Variants in PDCD11 observed in about 807,000 individuals in gnomAD.
The protein encoded by PDCD11 is protein RRP5 homolog.
Under a neutral mutation model 198.9 loss-of-function variants are expected in PDCD11, and 97 were observed. The ratio of observed to expected loss-of-function variants is 0.49; its 90% CI spans 0.41 to 0.58. The LOEUF (loss-of-function observed/expected upper bound fraction) is 0.58, where lower values mean the gene tolerates loss of function less well. PDCD11 is among the 20% of genes least tolerant of loss of function. PDCD11 has a pLI of 0.00. For missense variants in PDCD11, 2,102 were observed against 2,312.7 expected (o/e 0.91, Z 1.87); for synonymous variants, 893 against 918.0 (o/e 0.97, Z 0.49).
At position 103,443,963 on chromosome 10, in the gene PDCD11, A is replaced by G. The variant is rs2032495195; in HGVS notation, c.5173A>G (p.Lys1725Glu). 2.5e-6 allele frequency: 4 copies of G among 1,614,078 alleles called. No homozygotes were observed. Among genetic ancestry groups the G allele is most frequent in the Non-Finnish European group, 3.4e-6 (4 of 1,180,010 alleles). Residue 1725 changes from lysine (K) to glutamate (E), a missense_variant, in exon 34 of 36, where the codon AAA (lysine) becomes GAA (glutamate). Lys to Glu is a moderately conservative substitution (Grantham distance 56). Transcript: ENST00000369797. Reference sequence around the variant, plus strand: ...GATGCTGAAGCGTTTCCGGCAGGAGAAAGCTGTGTGGATCAAATACGGCGC... The same window carrying G: ...GATGCTGAAGCGTTTCCGGCAGGAGGAAGCTGTGTGGATCAAATACGGCGC... ...NRMLKRFRQE[K>E]AVWIKYGAFL...
intron 25 of PDCD11, among the ~76,000 whole-genome samples, chr10:103,437,497 ATTTATTTT>A (rs2032199904): frequency 6.6e-6 from 1 of 151,012 alleles, no homozygotes; most frequent in South Asian, 2.1e-4. Context: ...TTATTTATTT[ATTTATTTT>A]GAGATGGAGT....
Position 103,445,599 on chromosome 10 carries a change from C to T in PDCD11, c.*50C>T, listed in dbSNP as rs3740478. 85,433 of 1,539,458 alleles carry T rather than the reference C, an allele frequency of 0.055. 2,747 individuals are homozygous for T. Among genetic ancestry groups the T allele is most frequent in the East Asian group, 0.097 (4,258 of 43,972 alleles). Reference sequence around the variant, plus strand: ...TGTCAACAATGGGCCAGCCCGGCCCCGCCTCGAGTGCCTGGGCACTCGGAA... The same window carrying T: ...TGTCAACAATGGGCCAGCCCGGCCCTGCCTCGAGTGCCTGGGCACTCGGAA... On this transcript the variant is annotated 3_prime_UTR_variant, in exon 36 of 36. Transcript: ENST00000369797.
chr10:103,424,948 A>G (rs749570278), intron 19 of PDCD11, 36 bp from the exon 20 acceptor site: 2 of 1,605,584 alleles, frequency 1.2e-6, no homozygotes, highest in East Asian at 4.5e-5. Flanking sequence ...CATGCTGTGT[A>G]AGGAAAGCAG....
Position 103,406,742 on chromosome 10 carries a change from C to T in PDCD11, c.822C>T (p.Asn274=), listed in dbSNP as rs773149057. The T allele has an allele frequency of 6.2e-7, 1 of 1,614,112 alleles. No homozygotes were observed. Among genetic ancestry groups the T allele is most frequent in the Non-Finnish European group, 8.5e-7 (1 of 1,180,026 alleles). The change falls in exon 7 of 36, where the codon AAC becomes AAT. Residue 274 remains asparagine, a synonymous_variant. Coordinates refer to ENST00000369797, the MANE Select transcript of PDCD11 (RefSeq NM_014976.2). ...TTGCTACTGAACAGCAGAGCTGGAA[C>T]CTTAATAACTTGCTACCAGGACTGG... ...TAIATEQQSW[N]LNNLLPGLVV... is the part of the protein sequence containing the mutation.
chr10:103,422,975 G>T lies in PDCD11; in HGVS notation c.2498-13G>T, dbSNP rs1488598502. The T allele has an allele frequency of 6.7e-7, 1 of 1,484,292 alleles. No homozygotes were observed. The highest frequency in any genetic ancestry group is 9.0e-7 in the Non-Finnish European group (1 of 1,114,326). 91.9% of individuals were successfully genotyped at this position (1,484,292 alleles called of 1,614,324 possible). On this transcript the variant is annotated splice_polypyrimidine_tract_variant and intron_variant, in intron 17 of 35. Transcript: ENST00000369797. Reference sequence around the variant, plus strand: ...CATGGTACTAATCCGTGTTTCCTTTGGATCTCTGGCAGACTCTGTGTTGAT... The same window carrying T: ...CATGGTACTAATCCGTGTTTCCTTTTGATCTCTGGCAGACTCTGTGTTGAT...
chr10:103,444,485 T>A, intron 34 of PDCD11, 32 bp from the exon 35 acceptor site: 1 of 1,607,636 alleles, frequency 6.2e-7, no homozygotes, highest in Non-Finnish European at 8.5e-7. Context: ...GCTGTCTGCT[T>A]GTTGGGTCTC....
chr10:103,433,093 A>T (rs933963833), intron 22 of PDCD11, among the ~76,000 whole-genome samples: 9 of 152,196 alleles, frequency 5.9e-5, no homozygotes, highest in Non-Finnish European at 1.2e-4. Flanking sequence ...TACTGCTTGT[A>T]GGCTGTAATC....
intron 8 of PDCD11, 67 bp downstream of exon 8, chr10:103,409,873 C>CTAG: frequency 8.6e-7 from 1 of 1,159,672 alleles, no homozygotes; most frequent in Non-Finnish European, 1.3e-6. Flanking sequence ...AGTATCACAG[C>CTAG]TAGCTACAGG....
chr10:103,414,841 A>G (rs2031011328), intron 11 of PDCD11, among the ~76,000 whole-genome samples, 164 bp from the exon 12 acceptor site: 2 of 152,222 alleles, frequency 1.3e-5, no homozygotes, highest in South Asian at 4.1e-4. Context: ...AGAATAATCC[A>G]GCTCAGTGTG....
chr10:103,416,423 T>TG, intron 12 of PDCD11, 68 bp from the exon 13 acceptor site: 1 of 1,563,324 alleles, frequency 6.4e-7, no homozygotes. Flanking sequence ...TTTAAGAGGT[T>TG]GCAGAGACCA....
intron 21 of PDCD11, among the ~76,000 whole-genome samples, chr10:103,431,255 A>G (rs934732567): frequency 6.6e-6 from 1 of 152,132 alleles, no homozygotes; most frequent in African/African-American, 2.4e-5. Context: ...TGGACTGATA[A>G]CTTTCAGGCT....
rs1592146089 is a variant in PDCD11 at position 103,445,589 on chromosome 10, A to G, written c.*40A>G. ...TGTGGGACACTGTCAACAATGGGCC[A>G]GCCCGGCCCCGCCTCGAGTGCCTGG... On this transcript the variant is annotated 3_prime_UTR_variant, in exon 36 of 36. Transcript: ENST00000369797. 1 of 1,575,186 alleles carries G rather than the reference A, an allele frequency of 6.3e-7. No homozygotes were observed. Among genetic ancestry groups the G allele is most frequent in the Non-Finnish European group, 8.7e-7 (1 of 1,154,938 alleles).
Position 103,439,833 on chromosome 10 carries a change from C to T in PDCD11, c.4113C>T (p.Leu1371=), listed in dbSNP as rs764551873. ...AGAAAGCCCTTTATAACAAACACCT[C>T]CCTGAAGGGAAGCTGCTCACAGCCA... ...PSKKALYNKH[L]PEGKLLTARV... The change falls in exon 28 of 36, where the codon CTC becomes CTT. Residue 1371 remains leucine (L), a synonymous_variant. Coordinates refer to ENST00000369797, the MANE Select transcript of PDCD11 (RefSeq NM_014976.2). The T allele has an allele frequency of 3.6e-5, 58 of 1,614,086 alleles. No homozygotes were observed. In the South Asian group the frequency reaches 6.4e-4, roughly 18 times the overall value.
At chr10:103,416,074 C>T (rs778616585) in intron 12 of PDCD11, among the ~76,000 whole-genome samples, 4 of 152,144 alleles carry the variant, frequency 2.6e-5, no homozygotes, top group African/African-American at 9.7e-5. Context: ...GGGTGAAAGA[C>T]AGTTGCATCT....
Position 103,405,158 on chromosome 10 carries a change from G to C in PDCD11, c.539G>C (p.Ser180Thr). 1 of 1,613,826 alleles carries C rather than the reference G, an allele frequency of 6.2e-7. No homozygotes were observed. Among genetic ancestry groups the C allele is most frequent in the Non-Finnish European group, 8.5e-7 (1 of 1,179,964 alleles). The change falls in exon 5 of 36, where the codon AGT becomes ACT. Residue 180 changes from serine to threonine, a missense_variant. Physicochemically the swap from Ser to Thr is moderately conservative, Grantham distance 58. Coordinates refer to ENST00000369797, the MANE Select transcript of PDCD11 (RefSeq NM_014976.2). ...CCCAAAAATGTCAACAGAGTGCTGA[G>C]TGCTGAGGCCCTGAAGCCTGGCATG... ...LNPKNVNRVL[S>T]AEALKPGMLL...
In PDCD11 at chr10:103,426,936, A is replaced by T. The variant is rs149147622; in HGVS notation, c.3306-393A>T. On this transcript the variant is annotated intron_variant, in intron 20 of 35. Coordinates refer to ENST00000369797, the MANE Select transcript of PDCD11 (RefSeq NM_014976.2). The stretch of plus-strand genomic sequence containing the variant: ...GTGAGACCCCATCTCTACAAAAAAA[A>T]AAATAAATAAATAAAAATAAAAATT... Among the ~76,000 whole-genome samples, 1,394 of 151,742 alleles carry T rather than the reference A, an allele frequency of 9.2e-3. 17 individuals are homozygous for T. The highest frequency in any genetic ancestry group is 0.03 in the African/African-American group (1,249 of 41,428).
chr10:103,424,833 A>G, intron 19 of PDCD11, 151 bp from the exon 20 acceptor site: 1 of 741,240 alleles, frequency 1.3e-6, no homozygotes, highest in Non-Finnish European at 2.2e-6. Flanking sequence ...CCAGGGAGTG[A>G]AGGCTAGTCT....
At position 103,444,674 on chromosome 10, in the gene PDCD11, G is replaced by A. The variant is rs1420274917; in HGVS notation, c.5436G>A (p.Lys1812=). 1.2e-6 allele frequency: 2 copies of A among 1,613,620 alleles called. No individual in the cohort carries two copies. Among genetic ancestry groups the A allele is most frequent in the African/African-American group, 1.3e-5 (1 of 74,930 alleles). ...IDMTIKHGSQ[K]DVRDIFERVI... ...TGACCATCAAGCACGGCAGCCAGAA[G>A]GACGTCCGGTGAGTGGGGCAGCTGG... is the stretch of plus-strand genomic sequence containing the variant. Residue 1812 remains lysine (K), a synonymous_variant, in exon 35 of 36, where the codon AAG becomes AAA. Transcript: ENST00000369797.
intron 16 of PDCD11, 64 bp from the exon 17 acceptor site, chr10:103,421,284 A>G: frequency 7.5e-7 from 1 of 1,328,046 alleles, no homozygotes; most frequent in Non-Finnish European, 1.1e-6. Context: ...TTCCAGGAAC[A>G]TCAAGTGGGT....
Sources: allele counts gnomAD v4.1 joint callset (sites outside exome capture counted in the v4.1 genomes callset), GRCh38; gene constraint gnomAD v4.1.1; transcripts MANE v1.5; gene names NCBI Gene and HGNC (gene_info 2026-07-23, HGNC 2026-07-21).